Variants in ATP2B1 observed in about 807,000 individuals in gnomAD.
ATP2B1 encodes ATPase plasma membrane Ca2+ transporting 1, also known as plasma membrane calcium-transporting ATPase 1.
A neutral mutation model predicts 124.2 loss-of-function variants in ATP2B1; 14 were observed. That is an observed-to-expected ratio of 0.11 (90% CI 0.07 to 0.18). The LOEUF is 0.18. Ranked by LOEUF, ATP2B1 falls within the 10% of genes least tolerant of loss-of-function variation. The pLI is 1.00. For synonymous variants in ATP2B1, 449 were observed against 492.4 expected (o/e 0.91, Z 1.17); for missense variants, 763 against 1,466.1 (o/e 0.52, Z 7.83).
chr12:89,603,141 T>C lies in ATP2B1; in HGVS notation c.2962A>G (p.Ile988Val). 6.2e-7 allele frequency: 1 copy of C among 1,614,012 alleles called. No individual in the cohort carries two copies. The highest frequency in any genetic ancestry group is 8.5e-7 in the Non-Finnish European group (1 of 1,179,942). The change falls in exon 18 of 21, where the codon ATA (isoleucine) becomes GTA (valine). Residue 988 changes from isoleucine (I) to valine (V), a missense_variant. Around this residue, in one of 7 missense-constraint regions of ATP2B1, gnomAD observed 118 missense variants for 240.3 expected, o/e 0.49. Transcript: ENST00000428670. The surrounding 1 kb of genome is among the most constrained non-coding windows in gnomAD (Gnocchi z 4.3). ...TFVLMQLFNE[I>V]NARKIHGERN... ...TCACCATGAATTTTCCGGGCATTTA[T>C]TTCGTTGAAAAGTTGCATCAGCACA...
intron 10 of ATP2B1, 62 bp downstream of exon 10, chr12:89,621,487 C>T (rs1022349926): frequency 2.3e-6 from 3 of 1,305,784 alleles, no homozygotes; most frequent in African/African-American, 3.0e-5. Context: ...TGAAGACTTA[C>T]ATATAGTCTG....
At chr12:89,667,927 C>T (rs1887506053) in intron 1 of ATP2B1, among the ~76,000 whole-genome samples, 1 of 151,992 alleles carries the variant, frequency 6.6e-6, no homozygotes, top group Non-Finnish European at 1.5e-5. Flanking sequence ...TCTGAATAGC[C>T]AAAACAAGCA....
chr12:89,637,757 G>A (rs976530162), intron 3 of ATP2B1, among the ~76,000 whole-genome samples: 2 of 151,946 alleles, frequency 1.3e-5, no homozygotes, highest in Admixed American at 1.3e-4. Flanking sequence ...AAATTATATA[G>A]TTATAAATAT....
chr12:89,682,811 C>G (rs1889517722), intron 1 of ATP2B1, among the ~76,000 whole-genome samples: 1 of 152,124 alleles, frequency 6.6e-6, no homozygotes, highest in Non-Finnish European at 1.5e-5. Flanking sequence ...ACTTAAAAAT[C>G]AGAGGTATTA....
intron 20 of ATP2B1, 74 bp from the exon 21 acceptor site, chr12:89,591,369 G>A: frequency 7.5e-7 from 1 of 1,329,214 alleles, no homozygotes; most frequent in Middle Eastern, 2.7e-4. Flanking sequence ...TTATGAGTTT[G>A]AATCCACAAA....
intron 1 of ATP2B1, among the ~76,000 whole-genome samples, chr12:89,695,597 G>A (rs1418238197): frequency 6.6e-6 from 1 of 151,842 alleles, no homozygotes; most frequent in Admixed American, 6.6e-5. Flanking sequence ...TTTAGCTGTA[G>A]TTGTATTTAA....
At chr12:89,664,777 G>C (rs998301460) in intron 1 of ATP2B1, among the ~76,000 whole-genome samples, 2 of 152,038 alleles carry the variant, frequency 1.3e-5, no homozygotes, top group Non-Finnish European at 2.9e-5. Flanking sequence ...ACAAACTGCT[G>C]GATTGTCACC....
intron 1 of ATP2B1, among the ~76,000 whole-genome samples, chr12:89,661,878 C>T (rs561789409): frequency 4.6e-5 from 7 of 152,290 alleles, no homozygotes; most frequent in South Asian, 2.1e-4. Flanking sequence ...ATTTTATTGA[C>T]AGTGACAGCT....
chr12:89,644,878 A>C (rs1565864531), intron 2 of ATP2B1, among the ~76,000 whole-genome samples: 1 of 152,226 alleles, frequency 6.6e-6, no homozygotes, highest in Non-Finnish European at 1.5e-5. Context: ...TTATGTTACC[A>C]CTGAAAAGAA....
chr12:89,708,657 CG>C lies in ATP2B1; in HGVS notation c.-284del, dbSNP rs1335117422. The C allele has an allele frequency of 6.6e-6, 1 of 151,802 alleles. No individual in the cohort carries two copies. Among genetic ancestry groups the C allele is most frequent in the Non-Finnish European group, 1.5e-5 (1 of 67,932 alleles). 9.4% of individuals were successfully genotyped at this position (151,802 alleles called of 1,614,324 possible). On this transcript the variant is annotated 5_prime_UTR_variant, in exon 1 of 21. Coordinates refer to ENST00000428670, the MANE Select transcript of ATP2B1 (RefSeq NM_001366521.1). ...GGAAAGGCAGGCTGCGGGAGGGTCG[CG>C]GGGCGTTAAGGGGCAGCGGGAAACG... is the stretch of plus-strand genomic sequence containing the variant.
chr12:89,590,628 T>C lies in ATP2B1; in HGVS notation c.*356A>G, dbSNP rs918615092. 7 of 173,962 alleles carry C rather than the reference T, an allele frequency of 4.0e-5. No homozygotes were observed. The highest frequency in any genetic ancestry group is 3.0e-4 in the East Asian group (2 of 6,644). 10.8% of individuals were successfully genotyped at this position (173,962 alleles called of 1,614,324 possible). On this transcript the variant is annotated 3_prime_UTR_variant, in exon 21 of 21. Transcript: ENST00000428670. ...ATCAATTCAACGATCCAGGGCTCTT[T>C]GTCTTGCCCAGTTTTACTCCTCCCT...
chr12:89,616,580 G>C (rs1879010416), intron 12 of ATP2B1, among the ~76,000 whole-genome samples: 1 of 151,972 alleles, frequency 6.6e-6, no homozygotes, highest in South Asian at 2.1e-4. Flanking sequence ...GCTAGGTTAT[G>C]GTGCTATGAA....
At chr12:89,658,597 A>G in intron 1 of ATP2B1, among the ~76,000 whole-genome samples, 1 of 67,912 alleles carries the variant, frequency 1.5e-5, no homozygotes, top group East Asian at 6.5e-4. Flanking sequence ...GAATTCAAAC[A>G]GGAGAGAGAG....
intron 12 of ATP2B1, 142 bp downstream of exon 12, chr12:89,616,660 T>A (rs922683798): frequency 3.1e-5 from 22 of 708,092 alleles, no homozygotes; most frequent in African/African-American, 2.3e-4. Flanking sequence ...TAGGTACTAT[T>A]ATTTCATTTA....
chr12:89,632,669 A>G (rs922756556), intron 5 of ATP2B1, among the ~76,000 whole-genome samples: 1 of 152,206 alleles, frequency 6.6e-6, no homozygotes, highest in Non-Finnish European at 1.5e-5. Context: ...GAAGCCAAGA[A>G]CAGCAGTCAG....
chr12:89,651,923 T>C (rs1885304622), intron 2 of ATP2B1, among the ~76,000 whole-genome samples: 2 of 152,206 alleles, frequency 1.3e-5, no homozygotes, highest in Non-Finnish European at 2.9e-5. Context: ...CAAGTGCTAA[T>C]AGCCAATATG....
At chr12:89,604,570 A>C (rs542531339) in intron 15 of ATP2B1, among the ~76,000 whole-genome samples, 3 of 152,304 alleles carry the variant, frequency 2.0e-5, no homozygotes, top group South Asian at 4.1e-4. Flanking sequence ...AATAAGGTTC[A>C]AGTTGGGTTA....
intron 1 of ATP2B1, among the ~76,000 whole-genome samples, chr12:89,707,977 C>T (rs1892690982): frequency 6.6e-6 from 1 of 152,236 alleles, no homozygotes; most frequent in African/African-American, 2.4e-5. Flanking sequence ...TCGGAAACAA[C>T]TGTGAACATC....
chr12:89,629,240 C>T (rs1400943532), intron 6 of ATP2B1, among the ~76,000 whole-genome samples: 2 of 152,126 alleles, frequency 1.3e-5, no homozygotes, highest in Non-Finnish European at 2.9e-5. Context: ...AGGGTGTGAC[C>T]TGTCACTTAC....
Sources: gnomAD v4.1 joint callset for allele counts (sites outside exome capture counted in the v4.1 genomes callset) on GRCh38, gnomAD v4.1.1 for gene constraint, gnomAD v4.1.1 regional missense constraint, Gnocchi (gnomAD v3.1) non-coding constraint, MANE v1.5 for transcripts, NCBI Gene and HGNC (gene_info 2026-07-23, HGNC 2026-07-21) for gene names.